The following DLG2 variants were observed in gnomAD, a reference collection of about 807,000 sequenced individuals.
The protein encoded by DLG2 is discs large MAGUK scaffold protein 2.
Under a neutral mutation model 132.5 loss-of-function variants are expected in DLG2, and 45 were observed. The ratio of observed to expected loss-of-function variants is 0.34; its 90% CI spans 0.27 to 0.44. The LOEUF (loss-of-function observed/expected upper bound fraction) is 0.44. Among genes scored for constraint, DLG2 ranks in the 20% least tolerant of loss-of-function variants. The pLI, the probability that DLG2 is intolerant of heterozygous loss-of-function variation, is 1.00. For missense variants in DLG2, 1,045 were observed against 1,196.9 expected (o/e 0.87, Z 1.87); for synonymous variants, 424 against 419.6 (o/e 1.01, Z -0.13).
intron 4 of DLG2, among the ~76,000 whole-genome samples, chr11:85,279,292 A>C (rs1000026388): frequency 6.6e-6 from 1 of 152,146 alleles, no homozygotes; most frequent in East Asian, 1.9e-4. Context: ...TGGCAGCTTA[A>C]AGAAGCTACA....
At chr11:83,708,176 T>A (rs1466036420) in intron 18 of DLG2, among the ~76,000 whole-genome samples, 1 of 152,176 alleles carries the variant, frequency 6.6e-6, no homozygotes, top group African/African-American at 2.4e-5. Context: ...TAAGTTATAT[T>A]TGAAGTTCCT....
chr11:84,174,276 T>G (rs911513994), intron 8 of DLG2, among the ~76,000 whole-genome samples: 1 of 152,080 alleles, frequency 6.6e-6, no homozygotes, highest in Non-Finnish European at 1.5e-5. Flanking sequence ...TCTTCCCCTA[T>G]TGATTTTCAA....
At chr11:84,202,579 C>T (rs1179262415) in intron 8 of DLG2, among the ~76,000 whole-genome samples, 1 of 152,174 alleles carries the variant, frequency 6.6e-6, no homozygotes, top group South Asian at 2.1e-4. Context: ...CTAACGAAGA[C>T]ACCAAAAGCA....
At chr11:84,792,679 T>A (rs1313397221) in intron 6 of DLG2, among the ~76,000 whole-genome samples, 1 of 152,110 alleles carries the variant, frequency 6.6e-6, no homozygotes, top group Non-Finnish European at 1.5e-5. Context: ...AATGTATACA[T>A]TGCCTCTAGA....
At chr11:85,054,072 C>T (rs950479312) in intron 6 of DLG2, among the ~76,000 whole-genome samples, 1 of 151,952 alleles carries the variant, frequency 6.6e-6, no homozygotes, top group Non-Finnish European at 1.5e-5. Flanking sequence ...CGAGACCAGC[C>T]TAACCAACAT....
chr11:83,608,354 ATTT>A (rs35301755), intron 19 of DLG2, among the ~76,000 whole-genome samples: 1 of 145,138 alleles, frequency 6.9e-6, no homozygotes, highest in Admixed American at 6.9e-5. Context: ...TTAGATTTCA[ATTT>A]TTTTTTTTTT....
intron 5 of DLG2, among the ~76,000 whole-genome samples, chr11:85,113,823 G>T (rs2073148076): frequency 6.6e-6 from 1 of 151,872 alleles, no homozygotes; most frequent in Non-Finnish European, 1.5e-5. Flanking sequence ...GTTCTACCAA[G>T]AATTTAATAT....
chr11:84,722,921 T>G (rs2061998719), intron 6 of DLG2, among the ~76,000 whole-genome samples: 1 of 152,194 alleles, frequency 6.6e-6, no homozygotes, highest in Non-Finnish European at 1.5e-5. Context: ...TATACGTTCT[T>G]AAATGTACTA....
intron 7 of DLG2, among the ~76,000 whole-genome samples, chr11:84,412,214 T>C (rs2098909743): frequency 1.3e-5 from 2 of 151,620 alleles, no homozygotes; most frequent in Admixed American, 1.3e-4. Context: ...TTATAGTTCA[T>C]AAAAATGTTC....
At chr11:84,090,756 T>C (rs2097078422) in intron 10 of DLG2, among the ~76,000 whole-genome samples, 1 of 152,198 alleles carries the variant, frequency 6.6e-6, no homozygotes, top group Admixed American at 6.5e-5. Flanking sequence ...GGTTCAGAAA[T>C]TCTATAGTAG....
intron 4 of DLG2, among the ~76,000 whole-genome samples, chr11:85,228,346 G>A (rs191324626): frequency 2.0e-5 from 3 of 152,128 alleles, no homozygotes; most frequent in East Asian, 1.9e-4. Context: ...GATTCAAAAC[G>A]GAAGAACAGT....
chr11:83,716,061 T>C (rs1030479263), intron 18 of DLG2, among the ~76,000 whole-genome samples: 1 of 152,228 alleles, frequency 6.6e-6, no homozygotes, highest in Non-Finnish European at 1.5e-5. Context: ...ATGTTTGATT[T>C]GTCCTCCAAT....
intron 6 of DLG2, among the ~76,000 whole-genome samples, chr11:85,046,148 C>T (rs565817005): frequency 8.3e-4 from 126 of 152,020 alleles, no homozygotes; most frequent in African/African-American, 3.0e-3. Context: ...CAAAGGATCC[C>T]GAACAGAATT....
In DLG2 at chr11:83,790,780, T is replaced by G. The variant is rs998967937; in HGVS notation, c.1723-3988A>C. The G allele has an allele frequency of 6.6e-6, 5 of 758,956 alleles. No homozygotes were observed. The African/African-American group carries it at 8.6e-5, about 13-fold the overall frequency. 47.0% of individuals were successfully genotyped at this position (758,956 alleles called of 1,614,324 possible). Reference sequence around the variant, plus strand: ...ACAACTAGGTTCTGGTCTGCCTGACTCTCATCTTCGGGGAAAGAGCGCCCT... The same window carrying G: ...ACAACTAGGTTCTGGTCTGCCTGACGCTCATCTTCGGGGAAAGAGCGCCCT... On this transcript the variant is annotated intron_variant, in intron 17 of 27. Coordinates refer to ENST00000376104, the MANE Select transcript of DLG2 (RefSeq NM_001142699.3).
chr11:84,577,939 G>A (rs1358447267), intron 6 of DLG2, among the ~76,000 whole-genome samples: 1 of 152,162 alleles, frequency 6.6e-6, no homozygotes, highest in Non-Finnish European at 1.5e-5. Flanking sequence ...TGCAGCCTAG[G>A]GATTTGGTGC....
intron 3 of DLG2, among the ~76,000 whole-genome samples, chr11:85,423,386 A>G (rs1236014027): frequency 6.6e-6 from 1 of 152,152 alleles, no homozygotes; most frequent in Non-Finnish European, 1.5e-5. Flanking sequence ...GGTTTAATGC[A>G]CTATATTTTG....
At chr11:84,956,616 A>C (rs1591810074) in intron 6 of DLG2, among the ~76,000 whole-genome samples, 2 of 152,198 alleles carry the variant, frequency 1.3e-5, no homozygotes, top group Non-Finnish European at 2.9e-5. Flanking sequence ...CTTTATTTGT[A>C]AAATGAGAAT....
intron 11 of DLG2, among the ~76,000 whole-genome samples, chr11:84,055,678 A>G (rs1466565043): frequency 6.6e-6 from 1 of 152,048 alleles, no homozygotes; most frequent in Non-Finnish European, 1.5e-5. Context: ...TTATATTTCA[A>G]AGCTTAGCTT....
chr11:85,020,413 C>T lies in DLG2; in HGVS notation c.357+91248G>A, dbSNP rs576010865. 3.9e-5 allele frequency among the ~76,000 whole-genome samples: 6 copies of T among 152,122 alleles called. No homozygotes were observed. The South Asian group carries it at 6.2e-4, about 16-fold the overall frequency. ...AAAAATTTTCTCCCATTCTGTAGGT[C>T]GCCTGTTCACTCTAATGGTGGTTTC... is the stretch of plus-strand genomic sequence containing the variant. On this transcript the variant is annotated intron_variant, in intron 6 of 27. Transcript: ENST00000376104.
Sources: gnomAD v4.1 joint callset for allele counts (sites outside exome capture counted in the v4.1 genomes callset) on GRCh38, gnomAD v4.1.1 for gene constraint, MANE v1.5 for transcripts, NCBI Gene and HGNC (gene_info 2026-07-23, HGNC 2026-07-21) for gene names.